Variants in PCCA observed in about 807,000 individuals in gnomAD.
PCCA encodes propionyl-CoA carboxylase alpha chain, mitochondrial.
A neutral mutation model predicts 101.3 loss-of-function variants in PCCA; 74 were observed. The observed-to-expected ratio is 0.73, with a 90% CI of 0.61 to 0.89. PCCA has a LOEUF of 0.89. PCCA is among the 40% of genes least tolerant of loss of function. The probability of loss-of-function intolerance (pLI) is 0.00; values close to 1 mark genes in which losing one functional copy is unlikely to be tolerated. For synonymous variants in PCCA, 294 were observed against 313.6 expected, an observed-to-expected ratio of 0.94 and a Z score of 0.66; for missense variants, 891 against 907.0, an observed-to-expected ratio of 0.98 and a Z score of 0.23.
At chr13:100,133,986 C>T (rs2050840520) in intron 4 of PCCA, among the ~76,000 whole-genome samples, 1 of 152,216 alleles carries the variant, frequency 6.6e-6, no homozygotes, top group East Asian at 1.9e-4. Context: ...AGGCCTTCAG[C>T]CACAGACTGA....
chr13:100,121,314 C>T (rs542123126), intron 4 of PCCA, among the ~76,000 whole-genome samples: 195 of 151,706 alleles, frequency 1.3e-3, no homozygotes, highest in African/African-American at 4.4e-3. Context: ...TGCGCCACCA[C>T]GCACAGCTAA....
chr13:100,405,164 G>C (rs538705753), intron 19 of PCCA, among the ~76,000 whole-genome samples: 1 of 152,182 alleles, frequency 6.6e-6, no homozygotes, highest in East Asian at 1.9e-4. Context: ...TGGGTGCATG[G>C]TGCTTGGCTT....
intron 21 of PCCA, among the ~76,000 whole-genome samples, chr13:100,452,620 C>A (rs946013693): frequency 2.0e-5 from 3 of 151,534 alleles, no homozygotes; most frequent in Non-Finnish European, 2.9e-5. Flanking sequence ...CTCTTTCCAA[C>A]ATCTTATTCC....
In PCCA at chr13:100,178,463, C is replaced by A. The variant is rs117934315; in HGVS notation, c.468+21123C>A. Among the ~76,000 whole-genome samples the A allele has an allele frequency of 1.2e-3, 180 of 152,294 alleles. 1 individual carries two copies. In the East Asian group the frequency reaches 0.018, roughly 15 times the overall value. On this transcript the variant is annotated intron_variant, in intron 6 of 23. Transcript: ENST00000376285. The stretch of plus-strand genomic sequence containing the variant: ...TTTTTCAAATTATTTGCTTCTCAAT[C>A]CATAAGGCTTTAATTTACCCCCTAC...
chr13:100,463,026 T>C (rs916278346), intron 21 of PCCA, among the ~76,000 whole-genome samples: 2 of 152,176 alleles, frequency 1.3e-5, no homozygotes, highest in African/African-American at 4.8e-5. Flanking sequence ...GAGGGAACAG[T>C]GAGCCTGGAG....
intron 21 of PCCA, among the ~76,000 whole-genome samples, chr13:100,463,785 G>A (rs2082330556): frequency 6.6e-6 from 1 of 152,258 alleles, no homozygotes; most frequent in South Asian, 2.1e-4. Context: ...CTAAGGTGGA[G>A]GCTTGTCCTC....
In PCCA at chr13:100,425,718, A is replaced by G; in HGVS notation, c.1832A>G (p.Gln611Arg). 6.2e-7 allele frequency: 1 copy of G among 1,612,146 alleles called. No homozygotes were observed. Among genetic ancestry groups the G allele is most frequent in the Non-Finnish European group, 8.5e-7 (1 of 1,178,184 alleles). The change falls in exon 20 of 24, where the codon CAG becomes CGG. Residue 611 changes from glutamine to arginine, a missense_variant. Transcript: ENST00000376285. The stretch of plus-strand genomic sequence containing the variant: ...TTGTCTGTCAGCGTTGATGGCACTC[A>G]GAGGACTGTCCAGGTGAGTGTTGTA... ...PLLSVSVDGT[Q>R]RTVQCLSREA...
chr13:100,150,899 AC>A, intron 4 of PCCA: 1 of 1,551,818 alleles, frequency 6.4e-7, no homozygotes, highest in Non-Finnish European at 8.9e-7. Context: ...ACCACGGCAA[AC>A]ACGAATCCTA....
At chr13:100,525,270 A>G (rs2087694690) in intron 22 of PCCA, among the ~76,000 whole-genome samples, 1 of 152,212 alleles carries the variant, frequency 6.6e-6, no homozygotes, top group Admixed American at 6.5e-5. Flanking sequence ...CAGAAGGACT[A>G]TTTGAATTTC....
At chr13:100,330,743 ACTCT>A in intron 17 of PCCA, 72 bp downstream of exon 17, 3 of 917,508 alleles carry the variant, frequency 3.3e-6, no homozygotes, top group Non-Finnish European at 5.3e-6. Flanking sequence ...ACATAATTTC[ACTCT>A]ATTTTGAAAT....
At chr13:100,388,749 T>C (rs2076653860) in intron 19 of PCCA, among the ~76,000 whole-genome samples, 1 of 152,122 alleles carries the variant, frequency 6.6e-6, no homozygotes, top group South Asian at 2.1e-4. Flanking sequence ...GAGCCAAGAT[T>C]GCAACATTGG....
chr13:100,333,361 A>C (rs963602552), intron 17 of PCCA, among the ~76,000 whole-genome samples: 1 of 152,206 alleles, frequency 6.6e-6, no homozygotes, highest in African/African-American at 2.4e-5. Context: ...TCTGCTTCCC[A>C]TCTGTTCAGC....
intron 4 of PCCA, among the ~76,000 whole-genome samples, chr13:100,150,283 C>T (rs757436344): frequency 2.0e-5 from 3 of 152,158 alleles, no homozygotes; most frequent in African/African-American, 2.4e-5. Flanking sequence ...CCACCCGCCT[C>T]GGCCTCCCAA....
At chr13:100,346,477 T>C (rs879620024) in intron 18 of PCCA, among the ~76,000 whole-genome samples, 9 of 152,340 alleles carry the variant, frequency 5.9e-5, no homozygotes, top group Non-Finnish European at 1.0e-4. Context: ...TTGCTTCTTA[T>C]GGATGAGCAA....
intron 18 of PCCA, among the ~76,000 whole-genome samples, chr13:100,351,566 A>G (rs77852804): frequency 0.01 from 1,552 of 152,246 alleles, 65 homozygotes; most frequent in Admixed American, 0.061. Flanking sequence ...TGTATATATG[A>G]AGACCATAAT....
intron 16 of PCCA, among the ~76,000 whole-genome samples, chr13:100,317,095 T>G (rs1355482015): frequency 6.6e-6 from 1 of 152,212 alleles, no homozygotes; most frequent in African/African-American, 2.4e-5. Context: ...TGAGACTGCC[T>G]GCTAACTTAC....
chr13:100,302,372 G>T (rs1057088966), intron 13 of PCCA, among the ~76,000 whole-genome samples: 1 of 151,710 alleles, frequency 6.6e-6, no homozygotes, highest in Non-Finnish European at 1.5e-5. Flanking sequence ...TATTGCTCTT[G>T]CTTTTTTCAT....
chr13:100,156,621 G>T (rs1347210204), intron 5 of PCCA, among the ~76,000 whole-genome samples: 1 of 152,098 alleles, frequency 6.6e-6, no homozygotes, highest in African/African-American at 2.4e-5. Flanking sequence ...GGATGGCAAA[G>T]TTTGGGGTGA....
At chr13:100,126,847 CTG>C (rs1348838865) in intron 4 of PCCA, among the ~76,000 whole-genome samples, 3 of 152,080 alleles carry the variant, frequency 2.0e-5, no homozygotes, top group Non-Finnish European at 4.4e-5. Context: ...TTCTACCAAA[CTG>C]TGACTTTCAT....
Sources: gnomAD v4.1 joint callset for allele counts (sites outside exome capture counted in the v4.1 genomes callset) on GRCh38, gnomAD v4.1.1 for gene constraint, MANE v1.5 for transcripts, NCBI Gene and HGNC (gene_info 2026-07-23, HGNC 2026-07-21) for gene names.